The following PLD5 variants were observed in gnomAD, a reference collection of about 807,000 sequenced individuals.
PLD5 encodes inactive phospholipase D5.
Under a neutral mutation model 61.1 loss-of-function variants are expected in PLD5, and 36 were observed. The observed-to-expected ratio is 0.59, with a 90% CI of 0.45 to 0.78. The LOEUF (loss-of-function observed/expected upper bound fraction) is 0.78. Ranked by LOEUF, PLD5 falls within the 30% of genes least tolerant of loss-of-function variation. PLD5 has a pLI of 0.00. For missense variants in PLD5, 515 were observed against 644.4 expected (o/e 0.80, Z 2.17); for synonymous variants, 243 against 242.8 (o/e 1.00, Z -0.01).
At chr1:242,524,941 G>A (rs889082097), upstream of PLD5, among the ~76,000 whole-genome samples, 12 of 152,140 alleles carry the variant, frequency 7.9e-5, no homozygotes, top group Admixed American at 3.3e-4. Context: ...AGAAGTGAGC[G>A]CCGTCTCCGC....
Position 242,215,631 on chromosome 1 carries a change from T to G in PLD5, c.735+4357A>C, listed in dbSNP as rs1376268628. 2.0e-5 allele frequency among the ~76,000 whole-genome samples: 3 copies of G among 152,086 alleles called. No individual in the cohort carries two copies. The South Asian group carries it at 6.2e-4, about 32-fold the overall frequency. ...GCTTCCACACCCCCTCGGGTCCTCT[T>G]TGGATTCTAGCACAACGCATCAAAC... is the stretch of plus-strand genomic sequence containing the variant. On this transcript the variant is annotated intron_variant, in intron 5 of 9. Transcript: ENST00000536534.
Position 242,398,724 on chromosome 1 carries a change from C to T in PLD5, c.190-50482G>A, listed in dbSNP as rs184073114. Among the ~76,000 whole-genome samples the T allele has an allele frequency of 6.1e-4, 93 of 152,320 alleles. 1 individual carries two copies. Among genetic ancestry groups the T allele is most frequent in the African/African-American group, 2.0e-3 (84 of 41,572 alleles). ...ACAACGAGGAGAATAATACCTAACT[C>T]TCAAAATTGCCGTCAGAAGAAAATA... On this transcript the variant is annotated intron_variant, in intron 1 of 9. Transcript: ENST00000536534.
intron 1 of PLD5, among the ~76,000 whole-genome samples, chr1:242,376,322 C>A (rs1334871400): frequency 6.6e-6 from 1 of 152,148 alleles, no homozygotes; most frequent in Non-Finnish European, 1.5e-5. Context: ...CACCCTTCGG[C>A]GTGGCCTGAA....
intron 1 of PLD5, among the ~76,000 whole-genome samples, chr1:242,383,523 A>C (rs1662424373): frequency 6.7e-6 from 1 of 149,548 alleles, no homozygotes; most frequent in African/African-American, 2.5e-5. Flanking sequence ...TTTCTCCCTC[A>C]TTTTCTGTTA....
rs551276465 is a variant in PLD5, at chr1:242,269,910, C to G, written c.496-4462G>C. 2.6e-3 allele frequency among the ~76,000 whole-genome samples: 400 copies of G among 152,250 alleles called. 2 individuals carry two copies. The highest frequency in any genetic ancestry group is 4.3e-3 in the Non-Finnish European group (291 of 68,020). ...CCCATAGGTCAAAATAATCCATATG[C>G]CAAAGGGGTCTATTTTGAGGTGGCA... is the stretch of plus-strand genomic sequence containing the variant. On this transcript the variant is annotated intron_variant, in intron 3 of 9. Coordinates refer to ENST00000536534, the MANE Select transcript of PLD5 (RefSeq NM_001372062.1).
At chr1:242,351,842 G>T (rs2149224828) in intron 1 of PLD5, among the ~76,000 whole-genome samples, 1 of 152,208 alleles carries the variant, frequency 6.6e-6, no homozygotes, top group Non-Finnish European at 1.5e-5. Flanking sequence ...GCAAATTCAT[G>T]GGCCACATTT....
chr1:242,181,544 C>T (rs1667513849), intron 5 of PLD5, among the ~76,000 whole-genome samples: 1 of 152,068 alleles, frequency 6.6e-6, no homozygotes, highest in African/African-American at 2.4e-5. Flanking sequence ...GATAGCACTG[C>T]TGTAGAGAAC....
chr1:242,407,630 A>G (rs1433999298), intron 1 of PLD5, among the ~76,000 whole-genome samples: 1 of 145,614 alleles, frequency 6.9e-6, no homozygotes, highest in Admixed American at 7.1e-5. Flanking sequence ...CCCAGACTGG[A>G]GTGCAGTGGG....
chr1:242,178,973 C>T lies in PLD5; in HGVS notation c.735+41015G>A, dbSNP rs184523659. On this transcript the variant is annotated intron_variant, in intron 5 of 9. Coordinates refer to ENST00000536534, the MANE Select transcript of PLD5 (RefSeq NM_001372062.1). ...AGAAATTACCCAGGGAACACGTAGACGGTTGCCAAGGGGGAGCTGAATATT... is the reference window on the plus strand; with the variant it reads ...AGAAATTACCCAGGGAACACGTAGATGGTTGCCAAGGGGGAGCTGAATATT... Among the ~76,000 whole-genome samples, 6 of 152,300 alleles carry T rather than the reference C, an allele frequency of 3.9e-5. No individual in the cohort carries two copies. In the East Asian group the frequency reaches 7.7e-4, roughly 20 times the overall value.
chr1:242,391,393 A>C (rs1183845362), intron 1 of PLD5, among the ~76,000 whole-genome samples: 1 of 152,176 alleles, frequency 6.6e-6, no homozygotes, highest in Admixed American at 6.5e-5. Flanking sequence ...CAAATGGAAA[A>C]TTTTTTCCTA....
At chr1:242,407,550 G>GT (rs58824953) in intron 1 of PLD5, among the ~76,000 whole-genome samples, 8 of 146,302 alleles carry the variant, frequency 5.5e-5, no homozygotes, top group South Asian at 2.1e-4. Context: ...TTTTTTTGTT[G>GT]TGGTTGTTTT....
chr1:242,448,813 TTGTTAC>T (rs1036406449), intron 1 of PLD5, among the ~76,000 whole-genome samples: 10 of 152,202 alleles, frequency 6.6e-5, no homozygotes, highest in Admixed American at 2.0e-4. Flanking sequence ...TGGGCTCCTG[TTGTTAC>T]TGCCTATGAT....
In PLD5 at chr1:242,217,629, A is replaced by C. The variant is rs535578524; in HGVS notation, c.735+2359T>G. 4.9e-4 allele frequency among the ~76,000 whole-genome samples: 75 copies of C among 152,304 alleles called. No individual in the cohort carries two copies. The South Asian group carries it at 0.015, about 30-fold the overall frequency. ...AGAACTCCAAAACTCCATCTCAAAAAAAGAACATTTGGGATTTACGGGAGA... is the reference window on the plus strand; with the variant it reads ...AGAACTCCAAAACTCCATCTCAAAACAAGAACATTTGGGATTTACGGGAGA... On this transcript the variant is annotated intron_variant, in intron 5 of 9. Coordinates refer to ENST00000536534, the MANE Select transcript of PLD5 (RefSeq NM_001372062.1).
chr1:242,509,330 G>A (rs1355542954), intron 1 of PLD5, among the ~76,000 whole-genome samples: 1 of 152,098 alleles, frequency 6.6e-6, no homozygotes, highest in Non-Finnish European at 1.5e-5. Context: ...AGTGAGCTGA[G>A]ATTGCACCAC....
At chr1:242,479,433 C>T (rs1667699351) in intron 1 of PLD5, among the ~76,000 whole-genome samples, 1 of 151,988 alleles carries the variant, frequency 6.6e-6, no homozygotes, top group Admixed American at 6.6e-5. Flanking sequence ...CTTACAGGAC[C>T]GTTGAAACAT....
chr1:242,363,645 A>T (rs888030424), intron 1 of PLD5, among the ~76,000 whole-genome samples: 1 of 152,078 alleles, frequency 6.6e-6, no homozygotes, highest in African/African-American at 2.4e-5. Context: ...TATGATCCAC[A>T]CTGAGAAAAA....
At position 242,453,549 on chromosome 1, in the gene PLD5, T is replaced by G. The variant is rs1666853992; in HGVS notation, c.189+70539A>C. Among the ~76,000 whole-genome samples, 4 of 152,276 alleles carry G rather than the reference T, an allele frequency of 2.6e-5. No individual in the cohort carries two copies. The South Asian group carries it at 8.3e-4, about 32-fold the overall frequency. On this transcript the variant is annotated intron_variant, in intron 1 of 9. Coordinates refer to ENST00000536534, the MANE Select transcript of PLD5 (RefSeq NM_001372062.1). ...ATCATTACCTCCCTACACAGTGTATTCATTATTTGCCTGTTCAAAATTTTC... is the reference window on the plus strand; with the variant it reads ...ATCATTACCTCCCTACACAGTGTATGCATTATTTGCCTGTTCAAAATTTTC...
rs184326703 is a variant in PLD5 at position 242,346,020 on chromosome 1, C to G, written c.326+2086G>C. Among the ~76,000 whole-genome samples the G allele has an allele frequency of 1.3e-4, 13 of 96,522 alleles. 1 individual carries two copies. Among genetic ancestry groups the G allele is most frequent in the East Asian group, 1.1e-3 (3 of 2,726 alleles). 63.3% of individuals were successfully genotyped at this position (96,522 alleles called of 152,430 possible). On this transcript the variant is annotated intron_variant, in intron 2 of 9. Transcript: ENST00000536534. ...TATGTTTCAGAAAAGATCTCCCCCCCCCCCATATATACAACCATATATCAT... is the reference window on the plus strand; with the variant it reads ...TATGTTTCAGAAAAGATCTCCCCCCGCCCCATATATACAACCATATATCAT...
At chr1:242,331,274 C>T (rs1236302015) in intron 2 of PLD5, among the ~76,000 whole-genome samples, 3 of 152,174 alleles carry the variant, frequency 2.0e-5, no homozygotes, top group Non-Finnish European at 4.4e-5. Flanking sequence ...CATTACCAGC[C>T]TAACCAAATG....
Sources: allele counts gnomAD v4.1 joint callset (sites outside exome capture counted in the v4.1 genomes callset), GRCh38; gene constraint gnomAD v4.1.1; transcripts MANE v1.5; gene names NCBI Gene and HGNC (gene_info 2026-07-23, HGNC 2026-07-21).